The following CAMSAP2 variants were observed in gnomAD, a reference collection of about 807,000 sequenced individuals.
CAMSAP2 encodes the protein calmodulin-regulated spectrin-associated protein 2.
Under a neutral mutation model 146.1 loss-of-function variants are expected in CAMSAP2, and 26 were observed. The ratio of observed to expected loss-of-function variants is 0.18; its 90% CI spans 0.13 to 0.25. CAMSAP2 has a LOEUF of 0.25. Among genes scored for constraint, CAMSAP2 ranks in the 10% least tolerant of loss-of-function variants. The pLI, the probability that CAMSAP2 is intolerant of heterozygous loss-of-function variation, is 1.00. For missense variants in CAMSAP2, 1,381 were observed against 1,759.3 expected, an observed-to-expected ratio of 0.78 and a Z score of 3.85; for synonymous variants, 499 against 596.6, an observed-to-expected ratio of 0.84 and a Z score of 2.38.
intron 3 of CAMSAP2, among the ~76,000 whole-genome samples, chr1:200,811,299 A>G (rs1222186590): frequency 6.6e-6 from 1 of 152,026 alleles, no homozygotes; most frequent in Non-Finnish European, 1.5e-5. Flanking sequence ...AATCTTTCCT[A>G]CACATGCACA....
chr1:200,801,577 G>A (rs1319991073), intron 2 of CAMSAP2, among the ~76,000 whole-genome samples: 4 of 152,142 alleles, frequency 2.6e-5, no homozygotes, highest in Admixed American at 2.0e-4. Flanking sequence ...CCGATCAAAC[G>A]TAGGTTTGGT....
chr1:200,795,339 T>G (rs1422365543), intron 2 of CAMSAP2, among the ~76,000 whole-genome samples: 2 of 152,214 alleles, frequency 1.3e-5, no homozygotes, highest in Non-Finnish European at 2.9e-5. Flanking sequence ...GATAGTATGC[T>G]GTTCTTGGGC....
intron 7 of CAMSAP2, among the ~76,000 whole-genome samples, chr1:200,844,572 T>A (rs942463283): frequency 2.6e-5 from 4 of 152,236 alleles, no homozygotes; most frequent in East Asian, 1.9e-4. Flanking sequence ...AAATTTTTTT[T>A]AATTTTGAAA....
chr1:200,751,027 C>T (rs570462532), intron 1 of CAMSAP2, among the ~76,000 whole-genome samples: 20 of 151,482 alleles, frequency 1.3e-4, no homozygotes, highest in Non-Finnish European at 2.5e-4. Flanking sequence ...CTCAGCCACC[C>T]AAGTAGCTGG....
chr1:200,810,327 C>T (rs1349300241), intron 3 of CAMSAP2, among the ~76,000 whole-genome samples: 1 of 152,140 alleles, frequency 6.6e-6, no homozygotes, highest in Non-Finnish European at 1.5e-5. Flanking sequence ...CACCTGTAAT[C>T]CCAGCACTTT....
rs1667561520 is a variant in CAMSAP2, at chr1:200,849,615, C to A, written c.2846C>A (p.Ser949Tyr). The A allele has an allele frequency of 4.3e-6, 7 of 1,614,206 alleles. No homozygotes were observed. In the East Asian group the frequency reaches 1.6e-4, roughly 36 times the overall value. Residue 949 changes from serine (S) to tyrosine (Y), a missense_variant, in exon 11 of 17, where the codon TCC (serine) becomes TAC (tyrosine). Ser to Tyr is a moderately radical substitution (Grantham distance 144, BLOSUM62 -2). This residue lies in a region of CAMSAP2 where 560 missense variants were observed against 715.9 expected (regional missense o/e 0.78). Transcript: ENST00000358823. The surrounding 1 kb of genome is among the most constrained non-coding windows in gnomAD (Gnocchi z 6.3). ...AGLSSAIAPF[S>Y]SDSPRPTHPS... is the part of the protein sequence containing the mutation. ...CTGTCATCAGCCATTGCACCATTCT[C>A]CTCAGACTCCCCTCGTCCTACTCAC...
At chr1:200,828,984 C>T (rs1313705205) in intron 4 of CAMSAP2, among the ~76,000 whole-genome samples, 1 of 151,880 alleles carries the variant, frequency 6.6e-6, no homozygotes. Flanking sequence ...GGAAAAACCC[C>T]ATCTCTACTA....
intron 2 of CAMSAP2, 38 bp from the exon 3 acceptor site, chr1:200,807,338 T>C: frequency 7.1e-7 from 1 of 1,399,844 alleles, no homozygotes; most frequent in Non-Finnish European, 9.4e-7. Context: ...TTTCTAAATA[T>C]AATTTTTAAA....
chr1:200,796,382 T>C (rs774477356), intron 2 of CAMSAP2, among the ~76,000 whole-genome samples: 1 of 152,188 alleles, frequency 6.6e-6, no homozygotes, highest in Non-Finnish European at 1.5e-5. Context: ...TTGTAGAAAG[T>C]TTTAAAATCA....
At chr1:200,788,663 C>T (rs1248305443) in intron 2 of CAMSAP2, among the ~76,000 whole-genome samples, 6 of 141,192 alleles carry the variant, frequency 4.2e-5, no homozygotes, top group Non-Finnish European at 6.1e-5. Context: ...TTTTTTGAGA[C>T]GGAGTCTCAC....
intron 3 of CAMSAP2, among the ~76,000 whole-genome samples, chr1:200,814,343 A>C (rs529207241): frequency 6.6e-6 from 1 of 152,234 alleles, no homozygotes; most frequent in South Asian, 2.1e-4. Flanking sequence ...ATGGTGGCTC[A>C]TGCCTTTAAT....
chr1:200,849,733 G>T lies in CAMSAP2; in HGVS notation c.2964G>T (p.Leu988Phe). The change falls in exon 11 of 17, where the codon TTG (leucine) becomes TTT (phenylalanine). Residue 988 changes from leucine to phenylalanine, a missense_variant. Around this residue, in one of 4 missense-constraint regions of CAMSAP2, gnomAD observed 560 missense variants for 715.9 expected, o/e 0.78. Transcript: ENST00000358823. This position sits in a 1 kb window ranked among gnomAD's most constrained non-coding sequence, Gnocchi z 6.3. The part of the protein sequence containing the change: ...PRPNELKITP[L>F]NRTLTPPRSV... ...CAAATGAGTTAAAAATAACACCTTT[G>T]AATCGAACCTTGACACCTCCTCGGT... The T allele has an allele frequency of 6.2e-7, 1 of 1,614,170 alleles. No homozygotes were observed. Among genetic ancestry groups the T allele is most frequent in the Non-Finnish European group, 8.5e-7 (1 of 1,180,030 alleles).
Position 200,853,526 on chromosome 1 carries a change from A to AT in CAMSAP2, c.3823+32dup. 4.0e-6 allele frequency: 6 copies of AT among 1,502,872 alleles called. No homozygotes were observed. The highest frequency in any genetic ancestry group is 4.6e-6 in the Non-Finnish European group (5 of 1,087,542). The allele number at this position is 1,502,872 out of a possible 1,614,324, so 93.1% of individuals were successfully genotyped here. A position where few individuals can be genotyped will look rare whatever the true frequency, so the allele number is the denominator to read the frequency against. Reference sequence around the variant, plus strand: ...ATAGCTTATTATGAAGAGTCTGTTCATAAAAAACACCAGCTTGATTGGTTT... The same window carrying AT: ...ATAGCTTATTATGAAGAGTCTGTTCATTAAAAAACACCAGCTTGATTGGTTT... On this transcript the variant is annotated intron_variant, in intron 13 of 16. Transcript: ENST00000358823. This position sits in a 1 kb window ranked among gnomAD's most constrained non-coding sequence, Gnocchi z 5.1.
chr1:200,796,955 AATG>A (rs1213345475), intron 2 of CAMSAP2, among the ~76,000 whole-genome samples: 1 of 152,064 alleles, frequency 6.6e-6, no homozygotes, highest in Middle Eastern at 3.2e-3. Flanking sequence ...GTTTACTGAG[AATG>A]ATGATTTCCA....
intron 2 of CAMSAP2, among the ~76,000 whole-genome samples, chr1:200,800,677 T>C (rs1364762968): frequency 1.3e-5 from 2 of 152,306 alleles, no homozygotes; most frequent in East Asian, 3.9e-4. Context: ...AAGGTTAATA[T>C]TGTTATGTGT....
chr1:200,839,456 A>T, intron 6 of CAMSAP2, among the ~76,000 whole-genome samples: 1 of 152,202 alleles, frequency 6.6e-6, no homozygotes, highest in East Asian at 1.9e-4. Context: ...GGATTTGAGC[A>T]TGTTTAAAAG....
At position 200,739,791 on chromosome 1, in the gene CAMSAP2, G is replaced by A; in HGVS notation, c.-37G>A. The A allele has an allele frequency of 1.2e-6, 2 of 1,605,402 alleles. No individual in the cohort carries two copies. Among genetic ancestry groups the A allele is most frequent in the Non-Finnish European group, 1.7e-6 (2 of 1,175,316 alleles). ...GGTGGCGAGGCCACGCCATGTGAAGGTTAGGGCCGGGACATCCCGAGGAGC... is the reference window on the plus strand; with the variant it reads ...GGTGGCGAGGCCACGCCATGTGAAGATTAGGGCCGGGACATCCCGAGGAGC... On this transcript the variant is annotated 5_prime_UTR_variant, in exon 1 of 17. Transcript: ENST00000358823. The surrounding 1 kb of genome is among the most constrained non-coding windows in gnomAD (Gnocchi z 4.8).
chr1:200,748,967 A>G (rs1664422302), intron 1 of CAMSAP2, among the ~76,000 whole-genome samples: 2 of 152,168 alleles, frequency 1.3e-5, no homozygotes, highest in Non-Finnish European at 2.9e-5. Context: ...TGCCATACAA[A>G]AACTAGCCTA....
chr1:200,806,656 T>G (rs982873009), intron 2 of CAMSAP2, among the ~76,000 whole-genome samples: 1 of 152,130 alleles, frequency 6.6e-6, no homozygotes, highest in Non-Finnish European at 1.5e-5. Context: ...AACTTTTTTG[T>G]AGGAATATAT....
Sources: gnomAD v4.1 joint callset for allele counts (sites outside exome capture counted in the v4.1 genomes callset) on GRCh38, gnomAD v4.1.1 for gene constraint, gnomAD v4.1.1 regional missense constraint, Gnocchi (gnomAD v3.1) non-coding constraint, MANE v1.5 for transcripts, NCBI Gene and HGNC (gene_info 2026-07-23, HGNC 2026-07-21) for gene names.